The following TBCK variants were observed in gnomAD, a reference collection of about 807,000 sequenced individuals.
TBCK encodes TBC1 domain containing kinase.
Under a neutral mutation model 113.4 loss-of-function variants are expected in TBCK, and 99 were observed. That is an observed-to-expected ratio of 0.87 (90% CI 0.74 to 1.03). The LOEUF (loss-of-function observed/expected upper bound fraction) is 1.03, where lower values mean the gene tolerates loss of function less well. TBCK is among the 50% of genes least tolerant of loss of function. The probability of loss-of-function intolerance (pLI) is 0.00; values close to 1 mark genes in which losing one functional copy is unlikely to be tolerated. For synonymous variants in TBCK, 369 were observed against 370.8 expected (o/e 1.00, Z 0.05); for missense variants, 1,045 against 1,061.3 (o/e 0.98, Z 0.21).
Position 106,043,658 on chromosome 4 carries a change from G to C in TBCK, c.*2912C>G, listed in dbSNP as rs1393673820. 1 of 152,050 alleles carries C rather than the reference G, an allele frequency of 6.6e-6. No individual in the cohort carries two copies. The highest frequency in any genetic ancestry group is 1.5e-5 in the Non-Finnish European group (1 of 68,012). The allele number at this position is 152,050 out of a possible 1,614,324, so 9.4% of individuals were successfully genotyped here. On this transcript the variant is annotated 3_prime_UTR_variant, in exon 26 of 26. Coordinates refer to ENST00000394708, the MANE Select transcript of TBCK (RefSeq NM_001163435.3). ...GATTTGGGGCTCTTAGTGCAGCATG[G>C]GGAAGCCAGAGAAGACTGGAGGAGG...
chr4:106,220,921 T>C (rs1324431741), intron 19 of TBCK, among the ~76,000 whole-genome samples: 2 of 152,186 alleles, frequency 1.3e-5, no homozygotes, highest in Non-Finnish European at 2.9e-5. Flanking sequence ...AGCATTCAAC[T>C]ATATATCAAT....
chr4:106,223,066 G>T (rs1757879470), intron 19 of TBCK, among the ~76,000 whole-genome samples: 1 of 151,902 alleles, frequency 6.6e-6, no homozygotes. Context: ...AATCTCCTCA[G>T]TCACATGATA....
intron 5 of TBCK, among the ~76,000 whole-genome samples, chr4:106,258,126 T>C (rs1762180684): frequency 1.3e-5 from 2 of 152,218 alleles, no homozygotes; most frequent in Admixed American, 6.5e-5. Context: ...AGAATTGTTA[T>C]TTAATGTAGT....
At chr4:106,152,963 T>C (rs1242575776) in intron 23 of TBCK, among the ~76,000 whole-genome samples, 1 of 152,112 alleles carries the variant, frequency 6.6e-6, no homozygotes, top group Admixed American at 6.6e-5. Flanking sequence ...TTCTCGTTTT[T>C]TGGTTAGTCT....
chr4:106,136,608 T>A (rs1746588078), intron 23 of TBCK, among the ~76,000 whole-genome samples: 1 of 141,038 alleles, frequency 7.1e-6, no homozygotes, highest in African/African-American at 2.5e-5. Flanking sequence ...TCATTTAAAG[T>A]CTTTTTATTC....
chr4:106,245,243 GTA>G (rs1760666749), intron 10 of TBCK, among the ~76,000 whole-genome samples: 1 of 152,190 alleles, frequency 6.6e-6, no homozygotes, highest in Non-Finnish European at 1.5e-5. Flanking sequence ...GGTTCTCACA[GTA>G]AATATTGGAG....
rs1467273707 is a variant in TBCK at position 106,044,457 on chromosome 4, G to A, written c.*2113C>T. 7.1e-6 allele frequency: 1 copy of A among 140,486 alleles called. No individual in the cohort carries two copies. Among genetic ancestry groups the A allele is most frequent in the Non-Finnish European group, 1.5e-5 (1 of 67,952 alleles). The allele number at this position is 140,486 out of a possible 1,614,324, so 8.7% of individuals were successfully genotyped here. A position where few individuals can be genotyped will look rare whatever the true frequency, so the allele number is the denominator to read the frequency against. ...TGTAAACTAGGTAAGGATCACAAATGATATAACTATGGATTATATTAGTGT... is the reference window on the plus strand; with the variant it reads ...TGTAAACTAGGTAAGGATCACAAATAATATAACTATGGATTATATTAGTGT... On this transcript the variant is annotated 3_prime_UTR_variant, in exon 26 of 26. Transcript: ENST00000394708.
At position 106,233,661 on chromosome 4, in the gene TBCK, T is replaced by C. The variant is rs1560875646; in HGVS notation, c.1450-11A>G. ...GGCATGAATAGCTCCCTGCAAAAAA[T>C]AAAAGAAGATATATTAATTTATCAT... On this transcript the variant is annotated splice_polypyrimidine_tract_variant and intron_variant, in intron 15 of 25. Transcript: ENST00000394708. 2 of 1,586,342 alleles carry C rather than the reference T, an allele frequency of 1.3e-6. No individual in the cohort carries two copies. Among genetic ancestry groups the C allele is most frequent in the East Asian group, 2.3e-5 (1 of 44,240 alleles).
chr4:106,218,341 A>G (rs1399031062), intron 19 of TBCK, among the ~76,000 whole-genome samples: 1 of 150,668 alleles, frequency 6.6e-6, no homozygotes. Context: ...ACCAAAAGCA[A>G]TGGCAACAAA....
chr4:106,224,497 T>C (rs994149772), intron 19 of TBCK, among the ~76,000 whole-genome samples: 4 of 152,104 alleles, frequency 2.6e-5, no homozygotes, highest in African/African-American at 9.7e-5. Flanking sequence ...GTGATATTTA[T>C]GCCAACCAAA....
intron 12 of TBCK, chr4:106,238,766 G>C (rs1434676558): frequency 6.6e-6 from 1 of 152,164 alleles, no homozygotes; most frequent in African/African-American, 2.4e-5. Context: ...AGAGCATTGT[G>C]ATGTCCTCAA....
intron 12 of TBCK, among the ~76,000 whole-genome samples, chr4:106,237,191 A>G (rs890483074): frequency 6.6e-6 from 1 of 152,112 alleles, no homozygotes; most frequent in African/African-American, 2.4e-5. Context: ...GTATATACTA[A>G]AAGAACAACT....
chr4:106,204,086 C>A (rs1755181507), intron 20 of TBCK, among the ~76,000 whole-genome samples: 1 of 152,082 alleles, frequency 6.6e-6, no homozygotes, highest in Non-Finnish European at 1.5e-5. Flanking sequence ...CATGATCAAA[C>A]TCTAGTAATA....
chr4:106,084,735 G>A (rs1036734449), intron 25 of TBCK, among the ~76,000 whole-genome samples: 23 of 152,142 alleles, frequency 1.5e-4, no homozygotes, highest in South Asian at 4.1e-4. Context: ...GACTAACAGC[G>A]GACTTCTCAG....
At chr4:106,082,014 A>G (rs2149492891) in intron 25 of TBCK, among the ~76,000 whole-genome samples, 1 of 152,334 alleles carries the variant, frequency 6.6e-6, no homozygotes, top group East Asian at 1.9e-4. Flanking sequence ...GGAAATGTAA[A>G]TCAGTTCAGT....
At chr4:106,215,446 T>A (rs894133776) in intron 19 of TBCK, among the ~76,000 whole-genome samples, 2 of 152,048 alleles carry the variant, frequency 1.3e-5, no homozygotes, top group African/African-American at 4.8e-5. Context: ...TCAAGACCCA[T>A]CAGTGTGCTG....
chr4:106,313,172 T>C (rs1439980936), intron 1 of TBCK, among the ~76,000 whole-genome samples: 1 of 152,198 alleles, frequency 6.6e-6, no homozygotes, highest in Non-Finnish European at 1.5e-5. Context: ...ATTGTAAACA[T>C]TTCAGACAGA....
At position 106,260,508 on chromosome 4, in the gene TBCK, T is replaced by A; in HGVS notation, c.384A>T (p.Gly128=). 3 of 1,192,894 alleles carry A rather than the reference T, an allele frequency of 2.5e-6. No homozygotes were observed. The highest frequency in any genetic ancestry group is 2.2e-6 in the Non-Finnish European group (2 of 892,164). The allele number at this position is 1,192,894 out of a possible 1,614,324, so 73.9% of individuals were successfully genotyped here. Residue 128 remains glycine (G), a splice_region_variant and synonymous_variant, in exon 5 of 26, where the codon GGA becomes GGT. Transcript: ENST00000394708. Reference sequence around the variant, plus strand: ...GTCCAAATTTAGCCAATTTAATATGTCCCTATGATAATAAAGAAAAAAAAC... The same window carrying A: ...GTCCAAATTTAGCCAATTTAATATGACCCTATGATAATAAAGAAAAAAAAC... ...SPHNILLDRK[G]HIKLAKFGLY...
intron 17 of TBCK, 98 bp from the exon 18 acceptor site, chr4:106,231,877 G>C: frequency 9.5e-7 from 1 of 1,050,492 alleles, no homozygotes; most frequent in Non-Finnish European, 1.4e-6. Flanking sequence ...CCTCCAAGTA[G>C]ATTAAACATT....
Sources: gnomAD v4.1 joint callset for allele counts (sites outside exome capture counted in the v4.1 genomes callset) on GRCh38, gnomAD v4.1.1 for gene constraint, MANE v1.5 for transcripts, NCBI Gene and HGNC (gene_info 2026-07-23, HGNC 2026-07-21) for gene names.